The following PTPRK variants were observed in gnomAD, a reference collection of about 807,000 sequenced individuals.
PTPRK encodes receptor-type tyrosine-protein phosphatase kappa.
PTPRK carries 75 observed loss-of-function variants against 178.0 expected under a neutral mutation model. The ratio of observed to expected loss-of-function variants is 0.42; its 90% CI spans 0.35 to 0.51. PTPRK has a LOEUF of 0.51. Among genes scored for constraint, PTPRK ranks in the 20% least tolerant of loss-of-function variants. The pLI is 0.02. For missense variants in PTPRK, 1,441 were observed against 1,797.8 expected (o/e 0.80, Z 3.59); for synonymous variants, 637 against 620.6 (o/e 1.03, Z -0.39).
chr6:128,411,301 G>C (rs528217777), intron 1 of PTPRK, among the ~76,000 whole-genome samples: 23 of 152,178 alleles, frequency 1.5e-4, no homozygotes, highest in Non-Finnish European at 3.1e-4. Context: ...CAGGGTGCCA[G>C]CCATATTGTA....
At chr6:128,348,579 CT>C (rs767109407) in intron 2 of PTPRK, among the ~76,000 whole-genome samples, 2 of 151,934 alleles carry the variant, frequency 1.3e-5, no homozygotes, top group Non-Finnish European at 2.9e-5. Context: ...AATCCGTTTC[CT>C]TTTGTAAACT....
intron 6 of PTPRK, among the ~76,000 whole-genome samples, chr6:128,216,889 T>C (rs913252657): frequency 6.6e-6 from 1 of 152,100 alleles, no homozygotes; most frequent in Admixed American, 6.5e-5. Context: ...GTGACTTTTC[T>C]GGAAAAAAAT....
intron 13 of PTPRK, among the ~76,000 whole-genome samples, chr6:128,017,557 A>G (rs1779715362): frequency 6.6e-6 from 1 of 151,226 alleles, no homozygotes; most frequent in South Asian, 2.1e-4. Context: ...CCAGCTCCAT[A>G]TGGGAGTCCC....
At chr6:128,325,945 T>A (rs1230017790) in intron 2 of PTPRK, among the ~76,000 whole-genome samples, 3 of 152,116 alleles carry the variant, frequency 2.0e-5, no homozygotes, top group Non-Finnish European at 1.5e-5. Flanking sequence ...GTAGACTGGA[T>A]AAAGAAAATG....
intron 7 of PTPRK, among the ~76,000 whole-genome samples, chr6:128,121,061 G>GAT (rs142270789): frequency 0.093 from 14,172 of 151,800 alleles, 1,134 homozygotes; most frequent in African/African-American, 0.21. Flanking sequence ...CAATAAATAA[G>GAT]AGTTGAGAAG....
chr6:127,999,773 C>A (rs1023974368), intron 15 of PTPRK, among the ~76,000 whole-genome samples: 3 of 151,978 alleles, frequency 2.0e-5, no homozygotes, highest in African/African-American at 7.2e-5. Context: ...ACACCCAGTA[C>A]AGAGACAGAA....
chr6:128,142,587 A>C (rs770473299), intron 7 of PTPRK, among the ~76,000 whole-genome samples: 22 of 151,274 alleles, frequency 1.5e-4, no homozygotes, highest in Non-Finnish European at 2.1e-4. Context: ...TGGTTTTCAC[A>C]GACATGTCTC....
chr6:128,000,136 A>G (rs1777634275), intron 15 of PTPRK: 2 of 999,102 alleles, frequency 2.0e-6, no homozygotes, highest in Admixed American at 5.4e-5. Flanking sequence ...ATACCGTCAT[A>G]CTCATTAACA....
intron 1 of PTPRK, among the ~76,000 whole-genome samples, chr6:128,494,850 G>A (rs1584964874): frequency 1.3e-5 from 2 of 152,066 alleles, no homozygotes; most frequent in East Asian, 3.9e-4. Context: ...CTGTCATAAC[G>A]CCCTGAAAGT....
At chr6:128,211,076 G>T (rs565867301) in intron 6 of PTPRK, among the ~76,000 whole-genome samples, 2 of 152,164 alleles carry the variant, frequency 1.3e-5, no homozygotes, top group Non-Finnish European at 2.9e-5. Flanking sequence ...AAAAGTCACT[G>T]TATTTATATA....
intron 1 of PTPRK, among the ~76,000 whole-genome samples, chr6:128,473,753 C>T (rs977465598): frequency 1.3e-5 from 2 of 152,004 alleles, no homozygotes; most frequent in African/African-American, 2.4e-5. Flanking sequence ...TCTGAAGACT[C>T]AGATAACCAG....
In PTPRK at chr6:128,064,784, G is replaced by A; in HGVS notation, c.2168C>T (p.Thr723Ile). 2 of 1,582,742 alleles carry A rather than the reference G, an allele frequency of 1.3e-6. No homozygotes were observed. Among genetic ancestry groups the A allele is most frequent in the South Asian group, 1.2e-5 (1 of 84,902 alleles). The part of the protein sequence containing the change: ...AMSSVEKETK[T>I]QCVRIATKAA... ...TTTTGTAGCAATGCGTACGCACTGG[G>A]TTTTAGTTTCCTGATAGAGTAAAAA... Residue 723 changes from threonine to isoleucine, a missense_variant, in exon 13 of 30, where the codon ACC becomes ATC. Thr to Ile is a moderately conservative substitution (Grantham distance 89). Transcript: ENST00000368226.
intron 1 of PTPRK, among the ~76,000 whole-genome samples, chr6:128,510,540 T>G (rs978596328): frequency 2.0e-5 from 3 of 152,174 alleles, no homozygotes; most frequent in African/African-American, 7.2e-5. Flanking sequence ...AGTTAGTAGG[T>G]TTTGTCTGTG....
chr6:128,397,602 G>C lies in PTPRK; in HGVS notation c.187C>G (p.Gln63Glu). The change falls in exon 2 of 30, where the codon CAA becomes GAA. Residue 63 changes from glutamine (Q) to glutamate (E), a missense_variant. By Grantham distance (29) the Gln-to-Glu change is conservative. Around this residue, in one of 4 missense-constraint regions of PTPRK, gnomAD observed 158 missense variants for 188.0 expected, o/e 0.84. Transcript: ENST00000368226. ...TCGGGTGGTAGATAATGAGGCTCTT[G>C]AGCACTAACATGCACCCATTCAAAG... ...DDFEWVHVSA[Q>E]EPHYLPPEMP... 1 of 1,613,696 alleles carries C rather than the reference G, an allele frequency of 6.2e-7. No individual in the cohort carries two copies. The highest frequency in any genetic ancestry group is 8.5e-7 in the Non-Finnish European group (1 of 1,179,876).
At chr6:128,169,230 A>G (rs1252903850) in intron 7 of PTPRK, among the ~76,000 whole-genome samples, 1 of 152,138 alleles carries the variant, frequency 6.6e-6, no homozygotes, top group Non-Finnish European at 1.5e-5. Flanking sequence ...CTACAAAAGG[A>G]TAACTATGGA....
chr6:128,356,157 C>G (rs981467712), intron 2 of PTPRK, among the ~76,000 whole-genome samples: 23 of 152,102 alleles, frequency 1.5e-4, no homozygotes, highest in Non-Finnish European at 2.4e-4. Flanking sequence ...CAGTCCCTCT[C>G]CCCACATCAA....
intron 1 of PTPRK, among the ~76,000 whole-genome samples, chr6:128,501,391 TCACA>T (rs67621491): frequency 2.3e-4 from 33 of 145,564 alleles, no homozygotes; most frequent in African/African-American, 5.8e-4. Context: ...TAAACTCAAA[TCACA>T]CACACACACA....
intron 2 of PTPRK, among the ~76,000 whole-genome samples, chr6:128,387,958 A>T (rs1839001241): frequency 6.6e-6 from 1 of 152,208 alleles, no homozygotes; most frequent in Non-Finnish European, 1.5e-5. Context: ...TACAAAAAAA[A>T]AAAAGCAAAA....
intron 2 of PTPRK, among the ~76,000 whole-genome samples, chr6:128,362,702 A>G (rs945516064): frequency 6.6e-6 from 1 of 152,194 alleles, no homozygotes. Context: ...GTTTGCTGAA[A>G]TGAAATTTAA....
Sources: gnomAD v4.1 joint callset for allele counts (sites outside exome capture counted in the v4.1 genomes callset) on GRCh38, gnomAD v4.1.1 for gene constraint, gnomAD v4.1.1 regional missense constraint, MANE v1.5 for transcripts, NCBI Gene and HGNC (gene_info 2026-07-23, HGNC 2026-07-21) for gene names.